Variants in KIF5B observed in about 807,000 individuals in gnomAD.
KIF5B encodes the protein kinesin family member 5B.
KIF5B carries 49 observed loss-of-function variants against 132.8 expected under a neutral mutation model. The ratio of observed to expected loss-of-function variants is 0.37; its 90% CI spans 0.29 to 0.47. The LOEUF (loss-of-function observed/expected upper bound fraction) is 0.47, where lower values mean the gene tolerates loss of function less well. KIF5B is among the 20% of genes least tolerant of loss of function. KIF5B has a pLI of 1.00. For missense variants in KIF5B, 780 were observed against 1,144.0 expected, an observed-to-expected ratio of 0.68 and a Z score of 4.59; for synonymous variants, 355 against 369.4, an observed-to-expected ratio of 0.96 and a Z score of 0.45.
At position 32,028,545 on chromosome 10, in the gene KIF5B, C is replaced by G. The variant is rs760007766; in HGVS notation, c.1608G>C (p.Glu536Asp). ...TGGTCATTTCCTTAAGTTTCTGAAGCTCAGCATCTATACTCGCTAAAGTTG... is the reference window on the plus strand; with the variant it reads ...TGGTCATTTCCTTAAGTTTCTGAAGGTCAGCATCTATACTCGCTAAAGTTG... Reference protein sequence around the residue: ...KSATLASIDAELQKLKEMTNH... With the variant: ...KSATLASIDADLQKLKEMTNH... Residue 536 changes from glutamate to aspartate, a missense_variant, in exon 15 of 26, where the codon GAG becomes GAC. Coordinates refer to ENST00000302418, the MANE Select transcript of KIF5B (RefSeq NM_004521.3). 6.2e-7 allele frequency: 1 copy of G among 1,613,726 alleles called. No homozygotes were observed. Among genetic ancestry groups the G allele is most frequent in the Non-Finnish European group, 8.5e-7 (1 of 1,179,774 alleles).
intron 25 of KIF5B, among the ~76,000 whole-genome samples, chr10:32,013,332 T>C (rs983183366): frequency 6.6e-6 from 1 of 152,266 alleles, no homozygotes; most frequent in African/African-American, 2.4e-5. Context: ...ATTAAGTACA[T>C]ATTATCTATG....
chr10:32,034,146 T>G, intron 11 of KIF5B, 108 bp from the exon 12 acceptor site: 1 of 650,302 alleles, frequency 1.5e-6, no homozygotes, highest in Non-Finnish European at 2.5e-6. Flanking sequence ...AGTCTCAATC[T>G]GTCACCCTGG....
Position 32,028,448 on chromosome 10 carries a change from C to T in KIF5B, c.1705G>A (p.Val569Met). The T allele has an allele frequency of 6.2e-7, 1 of 1,611,996 alleles. No individual in the cohort carries two copies. Among genetic ancestry groups the T allele is most frequent in the Non-Finnish European group, 8.5e-7 (1 of 1,178,388 alleles). Residue 569 changes from valine (V) to methionine (M), a missense_variant, in exon 15 of 26, where the codon GTG (valine) becomes ATG (methionine). Coordinates refer to ENST00000302418, the MANE Select transcript of KIF5B (RefSeq NM_004521.3). Reference protein sequence around the residue: ...LKDLAEIGIAVGNNDVKQPEG... With the variant: ...LKDLAEIGIAMGNNDVKQPEG... ...TTTACCTTTACATCATTATTTCCCA[C>T]AGCAATTCCTATTTCTGCAAGGTCT...
intron 15 of KIF5B, among the ~76,000 whole-genome samples, chr10:32,026,305 G>C (rs1330432793): frequency 6.6e-6 from 1 of 151,782 alleles, no homozygotes; most frequent in African/African-American, 2.4e-5. Context: ...AGGCGTGGTG[G>C]CACACGCCTG....
At position 32,021,145 on chromosome 10, in the gene KIF5B, G is replaced by C. The variant is rs780264424; in HGVS notation, c.2095-14C>G. On this transcript the variant is annotated splice_polypyrimidine_tract_variant and intron_variant, in intron 18 of 25. Transcript: ENST00000302418. ...TTCAACAGCTTGCTAAAATTTTGGG[G>C]GGGAAAAGGATGTTAAAGTCAGACT... 1 of 1,609,534 alleles carries C rather than the reference G, an allele frequency of 6.2e-7. No individual in the cohort carries two copies. The highest frequency in any genetic ancestry group is 1.7e-5 in the Admixed American group (1 of 59,984).
intron 15 of KIF5B, among the ~76,000 whole-genome samples, chr10:32,026,266 C>A (rs760249660): frequency 6.6e-6 from 1 of 151,788 alleles, no homozygotes; most frequent in Non-Finnish European, 1.5e-5. Context: ...AACTCCATCT[C>A]TACTAAAAAT....
chr10:32,021,965 G>A (rs558309126), intron 17 of KIF5B, among the ~76,000 whole-genome samples, 175 bp downstream of exon 17: 2 of 152,176 alleles, frequency 1.3e-5, no homozygotes, highest in East Asian at 1.9e-4. Flanking sequence ...GAGTGAAGAC[G>A]CCGTCTCAAA....
chr10:32,026,437 C>CAAAAAAA (rs71027049), intron 15 of KIF5B, among the ~76,000 whole-genome samples: 5,303 of 48,906 alleles, frequency 0.11, 1,214 homozygotes, highest in East Asian at 0.35. Flanking sequence ...GATTCCGTCT[C>CAAAAAAA]AAAAAAAAAA....
intron 20 of KIF5B, among the ~76,000 whole-genome samples, chr10:32,019,112 CTATAATT>C (rs1841222676): frequency 6.6e-6 from 1 of 152,060 alleles, no homozygotes; most frequent in Admixed American, 6.5e-5. Flanking sequence ...AGGAATAGTT[CTATAATT>C]TATATTTTAA....
At chr10:32,039,254 C>A in intron 4 of KIF5B, 73 bp downstream of exon 4, 2 of 611,298 alleles carry the variant, frequency 3.3e-6, no homozygotes, top group South Asian at 2.3e-5. Flanking sequence ...ATTAAAGAAA[C>A]CAGCATTTAC....
intron 2 of KIF5B, among the ~76,000 whole-genome samples, chr10:32,043,204 T>C (rs957033809): frequency 6.6e-6 from 1 of 152,238 alleles, no homozygotes; most frequent in African/African-American, 2.4e-5. Context: ...GGTTTCACCA[T>C]GTTGGCCAGG....
intron 16 of KIF5B, 30 bp downstream of exon 16, chr10:32,022,818 A>G: frequency 6.9e-7 from 1 of 1,452,846 alleles, no homozygotes. Context: ...CTGTTTCAAA[A>G]AAATGAATAA....
At chr10:32,021,373 A>C in intron 17 of KIF5B, 86 bp from the exon 18 acceptor site, 2 of 937,604 alleles carry the variant, frequency 2.1e-6, no homozygotes, top group East Asian at 5.0e-5. Flanking sequence ...TTTTACAATA[A>C]GCATTTTCCT....
chr10:32,036,791 T>C lies in KIF5B; in HGVS notation c.711+463A>G, dbSNP rs183687653. 9.2e-4 allele frequency among the ~76,000 whole-genome samples: 140 copies of C among 152,262 alleles called. 2 individuals are homozygous for C. Among genetic ancestry groups the C allele is most frequent in the South Asian group, 3.7e-3 (18 of 4,830 alleles). On this transcript the variant is annotated intron_variant, in intron 8 of 25. Coordinates refer to ENST00000302418, the MANE Select transcript of KIF5B (RefSeq NM_004521.3). Reference sequence around the variant, plus strand: ...GAGGTCCCTATTATAACATTCAAACTTAATTTGATATAGACTAGAATCAGA... The same window carrying C: ...GAGGTCCCTATTATAACATTCAAACCTAATTTGATATAGACTAGAATCAGA...
At chr10:32,015,431 A>AT (rs1465905796) in intron 25 of KIF5B, 78 bp downstream of exon 25, 11 of 1,148,364 alleles carry the variant, frequency 9.6e-6, no homozygotes, top group Non-Finnish European at 1.2e-5. Context: ...TAATGTGAGA[A>AT]TTTTTTAAAA....
At position 32,010,330 on chromosome 10, in the gene KIF5B, G is replaced by C. The variant is rs913290634; in HGVS notation, c.*1207C>G. The C allele has an allele frequency of 1.3e-5, 2 of 152,112 alleles. No homozygotes were observed. The highest frequency in any genetic ancestry group is 4.8e-5 in the African/African-American group (2 of 41,430). 9.4% of individuals were successfully genotyped at this position (152,112 alleles called of 1,614,324 possible). A position where few individuals can be genotyped will look rare whatever the true frequency, so the allele number is the denominator to read the frequency against. On this transcript the variant is annotated 3_prime_UTR_variant, in exon 26 of 26. Coordinates refer to ENST00000302418, the MANE Select transcript of KIF5B (RefSeq NM_004521.3). ...AGTGGCAAAAATACGTATACACTTA[G>C]TACTGATTACAAAATTATCGGCTAT... is the stretch of plus-strand genomic sequence containing the variant.
intron 2 of KIF5B, among the ~76,000 whole-genome samples, chr10:32,042,044 GTTGT>G (rs1196615208): frequency 2.0e-5 from 3 of 152,152 alleles, no homozygotes; most frequent in Non-Finnish European, 4.4e-5. Flanking sequence ...GATTTTGTTT[GTTGT>G]TTGTTTTTGG....
chr10:32,037,123 C>A, intron 8 of KIF5B, 131 bp downstream of exon 8: 1 of 736,770 alleles, frequency 1.4e-6, no homozygotes, highest in South Asian at 1.8e-5. Flanking sequence ...CTGGCATCAG[C>A]GGTTACAAAT....
intron 14 of KIF5B, among the ~76,000 whole-genome samples, chr10:32,029,121 G>C (rs1308379482): frequency 6.6e-6 from 1 of 152,138 alleles, no homozygotes; most frequent in Non-Finnish European, 1.5e-5. Flanking sequence ...TCAAATCATA[G>C]CTGGCTTAAC....
Sources: allele counts gnomAD v4.1 joint callset (sites outside exome capture counted in the v4.1 genomes callset), GRCh38; gene constraint gnomAD v4.1.1; transcripts MANE v1.5; gene names NCBI Gene and HGNC (gene_info 2026-07-23, HGNC 2026-07-21).